Variants in ULK4 observed in about 807,000 individuals in gnomAD.
ULK4 encodes the protein inactive serine/threonine-protein kinase ULK4.
In ULK4, 133 loss-of-function variants were observed where a neutral mutation model predicts 160.6. The observed-to-expected ratio is 0.83, with a 90% CI of 0.72 to 0.96. The LOEUF is 0.96. ULK4 is among the 40% of genes least tolerant of loss of function. ULK4 has a pLI of 0.00. For synonymous variants in ULK4, 534 were observed against 539.8 expected (o/e 0.99, Z 0.15); for missense variants, 1,580 against 1,499.5 (o/e 1.05, Z -0.89).
chr3:41,449,797 T>G (rs1473378389), intron 34 of ULK4, among the ~76,000 whole-genome samples: 2 of 151,254 alleles, frequency 1.3e-5, no homozygotes, highest in Non-Finnish European at 2.9e-5. Context: ...TTAATTTACT[T>G]TTTTTTAAAA....
intron 35 of ULK4, among the ~76,000 whole-genome samples, chr3:41,344,358 C>A (rs928938583): frequency 2.0e-5 from 3 of 152,002 alleles, no homozygotes; most frequent in African/African-American, 7.3e-5. Flanking sequence ...AATATAAAAC[C>A]CAAAACTACA....
intron 35 of ULK4, among the ~76,000 whole-genome samples, chr3:41,357,303 A>C (rs2081048532): frequency 1.3e-5 from 2 of 152,326 alleles, no homozygotes; most frequent in South Asian, 4.1e-4. Context: ...ACTCAACATG[A>C]AAACCTTGCC....
chr3:41,824,629 C>T (rs1173183292), intron 18 of ULK4, among the ~76,000 whole-genome samples: 1 of 152,158 alleles, frequency 6.6e-6, no homozygotes, highest in Non-Finnish European at 1.5e-5. Context: ...GGGGTGCCTA[C>T]CATTGCCGAG....
At chr3:41,516,658 A>T (rs2125927997) in intron 32 of ULK4, among the ~76,000 whole-genome samples, 1 of 133,798 alleles carries the variant, frequency 7.5e-6, no homozygotes, top group Non-Finnish European at 1.6e-5. Context: ...GAACATACAG[A>T]GTAGAAGGAT....
intron 17 of ULK4, among the ~76,000 whole-genome samples, chr3:41,878,329 G>T (rs1471213344): frequency 6.6e-6 from 1 of 152,118 alleles, no homozygotes; most frequent in African/African-American, 2.4e-5. Context: ...AACAATGTAA[G>T]CATCAAAAAG....
intron 34 of ULK4, among the ~76,000 whole-genome samples, chr3:41,436,716 G>A (rs181836625): frequency 1.5e-4 from 23 of 152,238 alleles, no homozygotes; most frequent in Admixed American, 9.2e-4. Context: ...GAGCAACCAC[G>A]TCCTTTCATA....
intron 34 of ULK4, among the ~76,000 whole-genome samples, chr3:41,438,000 C>T (rs2083074450): frequency 6.6e-6 from 1 of 151,760 alleles, no homozygotes; most frequent in Admixed American, 6.6e-5. Context: ...AAGAGCTGTG[C>T]CTCAACTCTG....
intron 21 of ULK4, among the ~76,000 whole-genome samples, chr3:41,775,892 A>C (rs1428561531): frequency 6.6e-6 from 1 of 150,918 alleles, no homozygotes; most frequent in Non-Finnish European, 1.5e-5. Flanking sequence ...TTCTACCACA[A>C]GGATATAAGT....
intron 34 of ULK4, among the ~76,000 whole-genome samples, chr3:41,419,868 C>T (rs928638594): frequency 2.0e-5 from 3 of 151,744 alleles, no homozygotes; most frequent in Non-Finnish European, 4.4e-5. Flanking sequence ...AGGGGTGCTG[C>T]GGGGTTTCTG....
At chr3:41,403,809 T>C (rs2082235028) in intron 34 of ULK4, among the ~76,000 whole-genome samples, 1 of 152,192 alleles carries the variant, frequency 6.6e-6, no homozygotes, top group African/African-American at 2.4e-5. Flanking sequence ...CATTCAGTTC[T>C]ATGCATTTAA....
At chr3:41,867,396 G>T (rs976537875) in intron 17 of ULK4, among the ~76,000 whole-genome samples, 17 of 152,074 alleles carry the variant, frequency 1.1e-4, no homozygotes, top group African/African-American at 3.1e-4. Flanking sequence ...TGTTGTTTTG[G>T]GGGGGCAAGG....
intron 29 of ULK4, among the ~76,000 whole-genome samples, chr3:41,672,449 G>A (rs2035574595): frequency 6.6e-6 from 1 of 152,148 alleles, no homozygotes; most frequent in Non-Finnish European, 1.5e-5. Context: ...AAGCCTGGCA[G>A]AGACAGACAA....
At chr3:41,840,475 C>T (rs115961720) in intron 17 of ULK4, among the ~76,000 whole-genome samples, 2,250 of 152,324 alleles carry the variant, frequency 0.015, 44 homozygotes, top group African/African-American at 0.052. Flanking sequence ...CCCCAGGCTC[C>T]GATGGTTCTC....
intron 29 of ULK4, among the ~76,000 whole-genome samples, chr3:41,677,893 C>G (rs1053713140): frequency 3.3e-5 from 5 of 151,988 alleles, no homozygotes; most frequent in African/African-American, 1.2e-4. Context: ...AATGGTCCTC[C>G]CTAACATGGG....
chr3:41,848,003 G>T lies in ULK4; in HGVS notation c.1657-12032C>A, dbSNP rs79090419. 7.8e-3 allele frequency among the ~76,000 whole-genome samples: 1,182 copies of T among 152,250 alleles called. 45 individuals carry two copies. The East Asian group carries it at 0.12, about 16-fold the overall frequency. ...AAATGTCCTTGCAAGGTTGTCTATA[G>T]GAAGATCTCTGGTGACATCTGCACC... On this transcript the variant is annotated intron_variant, in intron 17 of 36. Transcript: ENST00000301831.
intron 35 of ULK4, among the ~76,000 whole-genome samples, chr3:41,367,127 G>A (rs1308594889): frequency 6.6e-6 from 1 of 152,098 alleles, no homozygotes; most frequent in Admixed American, 6.6e-5. Flanking sequence ...TGGCCTTTGG[G>A]ATCCCCTGTG....
chr3:41,297,033 T>G (rs769688607), intron 35 of ULK4, among the ~76,000 whole-genome samples: 15 of 152,128 alleles, frequency 9.9e-5, no homozygotes, highest in Non-Finnish European at 2.1e-4. Flanking sequence ...ACTTTCGCAT[T>G]CCACAAATTG....
intron 32 of ULK4, among the ~76,000 whole-genome samples, chr3:41,483,217 T>C (rs1252455398): frequency 1.3e-5 from 2 of 152,134 alleles, no homozygotes; most frequent in African/African-American, 4.8e-5. Context: ...TCTCCATGAT[T>C]TCAATTGTTT....
At chr3:41,470,039 AAAAAAAAC>A in intron 32 of ULK4, among the ~76,000 whole-genome samples, 1 of 149,268 alleles carries the variant, frequency 6.7e-6, no homozygotes, top group South Asian at 2.1e-4. Flanking sequence ...AAAAAAAAAA[AAAAAAAAC>A]AAAGTATTTT....
Sources: allele counts gnomAD v4.1 joint callset (sites outside exome capture counted in the v4.1 genomes callset), GRCh38; gene constraint gnomAD v4.1.1; transcripts MANE v1.5; gene names NCBI Gene and HGNC (gene_info 2026-07-23, HGNC 2026-07-21).